ARPC3: variants seen among roughly 807,000 people sequenced by gnomAD.
ARPC3 encodes the protein actin related protein 2/3 complex subunit 3.
ARPC3 carries 12 observed loss-of-function variants against 27.6 expected under a neutral mutation model. The observed-to-expected ratio is 0.43, with a 90% confidence interval of 0.28 to 0.70. ARPC3 has a LOEUF of 0.70. ARPC3 is among the 30% of genes least tolerant of loss of function. The probability of loss-of-function intolerance (pLI) is 0.17; values close to 1 mark genes in which losing one functional copy is unlikely to be tolerated. For synonymous variants in ARPC3, 53 were observed against 67.2 expected (o/e 0.79, Z 1.03); for missense variants, 153 against 207.7 (o/e 0.74, Z 1.62).
intron 1 of ARPC3, 63 bp downstream of exon 1, chr12:110,450,192 C>G (rs369524759): frequency 1.9e-6 from 3 of 1,610,122 alleles, no homozygotes; most frequent in Non-Finnish European, 1.7e-6. Context: ...TCGGCACACA[C>G]ACGGTTTCTC....
At chr12:110,440,776 G>A (rs748957404) in intron 2 of ARPC3, among the ~76,000 whole-genome samples, 1 of 150,776 alleles carries the variant, frequency 6.6e-6, no homozygotes, top group Non-Finnish European at 1.5e-5. Flanking sequence ...TTGATCTCCT[G>A]ACCGCGTGAT....
intron 1 of ARPC3, among the ~76,000 whole-genome samples, chr12:110,448,778 CGG>C (rs34430437): frequency 0.16 from 2,046 of 12,548 alleles, 90 homozygotes; most frequent in Middle Eastern, 0.25. Flanking sequence ...TCTTTTTTTC[CGG>C]GGGGGGGGGG....
chr12:110,434,848 T>C lies in ARPC3; in HGVS notation c.*307A>G, dbSNP rs2062393384. On this transcript the variant is annotated 3_prime_UTR_variant, in exon 7 of 7. Coordinates refer to ENST00000228825, the MANE Select transcript of ARPC3 (RefSeq NM_001278556.2). ...GGCATTATGGAATGTGAATTTTATC[T>C]CAAAACAAATTGTAAGTGAATGTCA... The C allele has an allele frequency of 1.9e-6, 1 of 527,820 alleles. No individual in the cohort carries two copies. The highest frequency in any genetic ancestry group is 1.9e-5 in the African/African-American group (1 of 51,894). 32.7% of individuals were successfully genotyped at this position (527,820 alleles called of 1,614,324 possible).
intron 4 of ARPC3, 32 bp downstream of exon 4, chr12:110,437,052 T>C: frequency 6.8e-7 from 1 of 1,460,404 alleles, no homozygotes; most frequent in Non-Finnish European, 9.6e-7. Context: ...GCAATTTGTT[T>C]TCCTGATATA....
chr12:110,441,956 C>T (rs2062439793), intron 2 of ARPC3, among the ~76,000 whole-genome samples: 1 of 150,878 alleles, frequency 6.6e-6, no homozygotes. Flanking sequence ...CGCTTGAACT[C>T]GCGGGTGGAG....
chr12:110,436,686 G>GTAA lies in ARPC3; in HGVS notation c.253-4_253-3insTTA. The GTAA allele has an allele frequency of 3.5e-6, 4 of 1,150,486 alleles. No individual in the cohort carries two copies. The highest frequency in any genetic ancestry group is 3.5e-6 in the Non-Finnish European group (3 of 850,142). 71.3% of individuals were successfully genotyped at this position (1,150,486 alleles called of 1,614,324 possible). ...TCACCTTGGCTTTTGGAATTGCACTGGAAAAAAAAATATATATATATATAT... is the reference window on the plus strand; with the variant it reads ...TCACCTTGGCTTTTGGAATTGCACTGTAAGAAAAAAAAATATATATATATATAT... On this transcript the variant is annotated splice_region_variant and splice_polypyrimidine_tract_variant and intron_variant, in intron 4 of 6. Transcript: ENST00000228825.
At chr12:110,443,450 C>T (rs2062448895) in intron 2 of ARPC3, among the ~76,000 whole-genome samples, 1 of 145,454 alleles carries the variant, frequency 6.9e-6, no homozygotes, top group Non-Finnish European at 1.5e-5. Context: ...TTTATTTTTT[C>T]GAGATCAAGT....
In ARPC3 at chr12:110,437,289, T is replaced by C; in HGVS notation, c.184-137A>G. The stretch of plus-strand genomic sequence containing the variant: ...AGCCACTATCACATCAAAACTCCCA[T>C]TCTCCAAATGCACAGTCTCCTCAGT... On this transcript the variant is annotated intron_variant, in intron 3 of 6. Transcript: ENST00000228825. 4 of 689,470 alleles carry C rather than the reference T, an allele frequency of 5.8e-6. No individual in the cohort carries two copies. In the South Asian group the frequency reaches 6.2e-5, roughly 11 times the overall value. The allele number at this position is 689,470 out of a possible 1,614,324, so 42.7% of individuals were successfully genotyped here.
In ARPC3 at chr12:110,436,693, AAAATATATAT is replaced by A; in HGVS notation, c.253-20_253-11del. 1 of 814,356 alleles carries A rather than the reference AAAATATATAT, an allele frequency of 1.2e-6. No homozygotes were observed. Among genetic ancestry groups the A allele is most frequent in the Non-Finnish European group, 1.9e-6 (1 of 536,436 alleles). The allele number at this position is 814,356 out of a possible 1,614,324, so 50.4% of individuals were successfully genotyped here. The stretch of plus-strand genomic sequence containing the variant: ...GGCTTTTGGAATTGCACTGGAAAAA[AAAATATATAT>A]ATATATATACACACACACACACACA... On this transcript the variant is annotated splice_polypyrimidine_tract_variant and intron_variant, in intron 4 of 6. Coordinates refer to ENST00000228825, the MANE Select transcript of ARPC3 (RefSeq NM_001278556.2).
At chr12:110,441,275 C>T (rs936976232) in intron 2 of ARPC3, among the ~76,000 whole-genome samples, 8 of 151,646 alleles carry the variant, frequency 5.3e-5, no homozygotes, top group African/African-American at 1.7e-4. Context: ...TGGGATTATA[C>T]GCATGTACCA....
chr12:110,438,435 CA>C (rs1202567002), intron 3 of ARPC3, among the ~76,000 whole-genome samples: 1 of 150,662 alleles, frequency 6.6e-6, no homozygotes, highest in African/African-American at 2.4e-5. Flanking sequence ...CTGTCCCTAC[CA>C]AAAAATACAA....
In ARPC3 at chr12:110,435,227, G is replaced by A. The variant is rs375143841; in HGVS notation, c.475-10C>T. The A allele has an allele frequency of 4.4e-6, 7 of 1,608,730 alleles. No individual in the cohort carries two copies. Among genetic ancestry groups the A allele is most frequent in the Non-Finnish European group, 6.0e-6 (7 of 1,175,256 alleles). ...CAAAGCAAGTCCACCACTAACAAGA[G>A]AGAACAACACAGAATGAACAGCGGG... On this transcript the variant is annotated splice_polypyrimidine_tract_variant and intron_variant, in intron 6 of 6. Coordinates refer to ENST00000228825, the MANE Select transcript of ARPC3 (RefSeq NM_001278556.2).
intron 1 of ARPC3, among the ~76,000 whole-genome samples, chr12:110,446,297 ATT>A (rs1336985095): frequency 1.5e-4 from 19 of 128,752 alleles, no homozygotes; most frequent in Non-Finnish European, 1.5e-4. Flanking sequence ...CTACTTCCTA[ATT>A]TTTTTTTTTT....
At chr12:110,445,373 G>A (rs1048177344) in intron 2 of ARPC3, 79 bp downstream of exon 2, 2 of 1,159,326 alleles carry the variant, frequency 1.7e-6, no homozygotes, top group African/African-American at 3.0e-5. Flanking sequence ...ACTGAGCTAA[G>A]AATTTTTCTG....
At chr12:110,444,502 C>G (rs2062454166) in intron 2 of ARPC3, among the ~76,000 whole-genome samples, 1 of 152,118 alleles carries the variant, frequency 6.6e-6, no homozygotes, top group South Asian at 2.1e-4. Flanking sequence ...CCAGGCTGGT[C>G]TCGAACTCCT....
At chr12:110,446,858 C>T (rs546870442) in intron 1 of ARPC3, among the ~76,000 whole-genome samples, 76 of 149,554 alleles carry the variant, frequency 5.1e-4, no homozygotes, top group African/African-American at 1.8e-3. Flanking sequence ...CCACCCGCCC[C>T]GGCCTCCCAA....
At chr12:110,450,183 C>CT in intron 1 of ARPC3, 72 bp downstream of exon 1, 8 of 1,601,712 alleles carry the variant, frequency 5.0e-6, no homozygotes, top group Non-Finnish European at 6.0e-6. Flanking sequence ...CCGCTTCTCT[C>CT]GGCACACACA....
chr12:110,436,402 G>T, intron 5 of ARPC3, 155 bp downstream of exon 5: 1 of 1,360,862 alleles, frequency 7.3e-7, no homozygotes, highest in Non-Finnish European at 1.0e-6. Flanking sequence ...TTGTTGCCAA[G>T]AATCGTTTGT....
intron 3 of ARPC3, among the ~76,000 whole-genome samples, chr12:110,438,456 T>G (rs1436939473): frequency 7.0e-6 from 1 of 143,464 alleles, no homozygotes; most frequent in Non-Finnish European, 1.5e-5. Flanking sequence ...AAAATTAGCT[T>G]GGCGTGGTGG....
Sources: allele counts gnomAD v4.1 joint callset (sites outside exome capture counted in the v4.1 genomes callset), GRCh38; gene constraint gnomAD v4.1.1; transcripts MANE v1.5; gene names NCBI Gene and HGNC (gene_info 2026-07-23, HGNC 2026-07-21).